The following TACC2 variants were observed in gnomAD, a reference collection of about 807,000 sequenced individuals.
The protein encoded by TACC2 is transforming acidic coiled-coil-containing protein 2.
A neutral mutation model predicts 227.3 loss-of-function variants in TACC2; 137 were observed. That is an observed-to-expected ratio of 0.60 (90% CI 0.52 to 0.69). The LOEUF (loss-of-function observed/expected upper bound fraction) is 0.69, where lower values mean the gene tolerates loss of function less well. TACC2 is among the 30% of genes least tolerant of loss of function. TACC2 has a pLI of 0.00. For synonymous variants in TACC2, 1,523 were observed against 1,487.5 expected (o/e 1.02, Z -0.55); for missense variants, 3,470 against 3,694.4 (o/e 0.94, Z 1.57).
intron 3 of TACC2, among the ~76,000 whole-genome samples, chr10:122,071,507 G>A (rs375550597): frequency 6.6e-6 from 1 of 152,114 alleles, no homozygotes. Flanking sequence ...TCAGTTGCCT[G>A]TCCCCATCCC....
intron 5 of TACC2, among the ~76,000 whole-genome samples, chr10:122,100,637 G>A (rs1043101502): frequency 9.9e-5 from 15 of 152,090 alleles, no homozygotes; most frequent in African/African-American, 3.4e-4. Context: ...TGTGGGCCAG[G>A]CTGGTTTCGA....
intron 7 of TACC2, among the ~76,000 whole-genome samples, chr10:122,174,466 G>A (rs2093617608): frequency 6.6e-6 from 1 of 152,172 alleles, no homozygotes; most frequent in Non-Finnish European, 1.5e-5. Context: ...CGGTGAAATG[G>A]AATTAACCTC....
intron 8 of TACC2, among the ~76,000 whole-genome samples, chr10:122,202,690 T>C (rs983810082): frequency 1.6e-5 from 2 of 124,370 alleles, no homozygotes; most frequent in African/African-American, 5.3e-5. Context: ...TTGATCATTC[T>C]TGGGTGTTTC....
intron 5 of TACC2, among the ~76,000 whole-genome samples, chr10:122,098,909 G>A (rs971732277): frequency 3.3e-5 from 5 of 152,170 alleles, no homozygotes; most frequent in Non-Finnish European, 5.9e-5. Context: ...TATAGGATGC[G>A]AAGTGGAGCC....
At chr10:122,220,338 C>G (rs180712477) in intron 11 of TACC2, among the ~76,000 whole-genome samples, 2 of 152,152 alleles carry the variant, frequency 1.3e-5, no homozygotes, top group Admixed American at 6.5e-5. Context: ...TGGAACAAAA[C>G]TTGGTTAAAC....
Position 122,229,412 on chromosome 10 carries a change from C to A in TACC2, c.7963C>A (p.Leu2655Ile). ...LLSRLAHPVS[L>I]CGALDYLEPD... is the part of the protein sequence containing the mutation. Reference sequence around the variant, plus strand: ...CAGCAGGCTAGCTCACCCCGTCTCTCTCTGTGGTGCACTTGACTATCTGGA... The same window carrying A: ...CAGCAGGCTAGCTCACCCCGTCTCTATCTGTGGTGCACTTGACTATCTGGA... Residue 2655 changes from leucine to isoleucine, a missense_variant, in exon 15 of 23, where the codon CTC becomes ATC. Leu to Ile is a conservative substitution (Grantham distance 5, BLOSUM62 2). Transcript: ENST00000369005. 1 of 1,614,102 alleles carries A rather than the reference C, an allele frequency of 6.2e-7. No individual in the cohort carries two copies. Among genetic ancestry groups the A allele is most frequent in the Non-Finnish European group, 8.5e-7 (1 of 1,180,036 alleles).
At chr10:122,081,364 A>AC (rs796457193) in intron 3 of TACC2, among the ~76,000 whole-genome samples, 137 of 762 alleles carry the variant, frequency 0.18, no homozygotes, top group Admixed American at 0.25. Flanking sequence ...CTAAAACTAC[A>AC]AAAAAAAAAA....
In TACC2 at chr10:122,254,158, G is replaced by C; in HGVS notation, c.*102G>C. On this transcript the variant is annotated 3_prime_UTR_variant, in exon 23 of 23. Coordinates refer to ENST00000369005, the MANE Select transcript of TACC2 (RefSeq NM_206862.4). ...GGACAGGTTCTGTTTTCACTTTTTC[G>C]TATGCACTACTGTATTTCCTTTCTA... The C allele has an allele frequency of 1.1e-6, 1 of 904,630 alleles. No individual in the cohort carries two copies. The highest frequency in any genetic ancestry group is 1.9e-6 in the Non-Finnish European group (1 of 534,424). 56.0% of individuals were successfully genotyped at this position (904,630 alleles called of 1,614,324 possible).
rs2095714442 is a variant in TACC2, at chr10:122,230,410, T to C, written c.8097T>C (p.Ala2699=). 6.2e-7 allele frequency: 1 copy of C among 1,614,096 alleles called. No homozygotes were observed. Among genetic ancestry groups the C allele is most frequent in the African/African-American group, 1.3e-5 (1 of 74,928 alleles). ...IEALKLARQI[A]LASRSHQDAK... ...CCCTGAAGCTGGCCAGGCAGATTGC[T>C]TTGGCTTCCCGCAGCCACCAGGATG... The change falls in exon 16 of 23, where the codon GCT becomes GCC. Residue 2699 remains alanine (A), a synonymous_variant. Coordinates refer to ENST00000369005, the MANE Select transcript of TACC2 (RefSeq NM_206862.4).
chr10:122,094,217 T>C (rs1325943400), intron 5 of TACC2, among the ~76,000 whole-genome samples: 2 of 152,190 alleles, frequency 1.3e-5, no homozygotes, highest in African/African-American at 4.8e-5. Flanking sequence ...GCATCTGTGT[T>C]TCATAAGTAA....
rs534882737 is a variant in TACC2 at position 122,110,822 on chromosome 10, C to A, written c.5574-21787C>A. ...CTAGTAATTTTGGCTTAAGACAACA[C>A]AAATTTATTTTACTAGGAGCTGTGT... On this transcript the variant is annotated intron_variant, in intron 5 of 22. Transcript: ENST00000369005. Among the ~76,000 whole-genome samples the A allele has an allele frequency of 2.0e-5, 3 of 152,256 alleles. No homozygotes were observed. In the East Asian group the frequency reaches 5.8e-4, roughly 29 times the overall value.
At chr10:122,208,047 T>G (rs1306933301) in intron 8 of TACC2, among the ~76,000 whole-genome samples, 2 of 152,148 alleles carry the variant, frequency 1.3e-5, no homozygotes, top group African/African-American at 4.8e-5. Context: ...TTGAGAGTAC[T>G]AGGGCCTAGA....
intron 7 of TACC2, among the ~76,000 whole-genome samples, chr10:122,149,055 G>C (rs961288856): frequency 3.3e-5 from 5 of 152,228 alleles, no homozygotes; most frequent in African/African-American, 1.2e-4. Context: ...AGAGCTGTAC[G>C]AGGCTGAAGC....
At chr10:122,160,855 ACT>A (rs1226971616) in intron 7 of TACC2, among the ~76,000 whole-genome samples, 1 of 151,836 alleles carries the variant, frequency 6.6e-6, no homozygotes, top group East Asian at 1.9e-4. Context: ...GGTCTGAGAG[ACT>A]CTTCCATAAA....
intron 7 of TACC2, among the ~76,000 whole-genome samples, chr10:122,168,210 T>C (rs1333511876): frequency 6.6e-6 from 1 of 152,162 alleles, no homozygotes; most frequent in Non-Finnish European, 1.5e-5. Flanking sequence ...CAGCCATAGA[T>C]CTTTTTCAAG....
At chr10:122,053,368 G>A (rs892973130) in intron 3 of TACC2, among the ~76,000 whole-genome samples, 25 of 151,890 alleles carry the variant, frequency 1.6e-4, no homozygotes, top group Non-Finnish European at 2.9e-4. Flanking sequence ...CAGCCCCCAT[G>A]ATTCAGTCAC....
At chr10:122,147,531 C>T (rs145529059) in intron 7 of TACC2, among the ~76,000 whole-genome samples, 65 of 152,256 alleles carry the variant, frequency 4.3e-4, no homozygotes, top group African/African-American at 1.3e-3. Flanking sequence ...AGTTGTGCTC[C>T]TCCTCTGTTA....
At chr10:122,136,031 T>A (rs1052642109) in intron 6 of TACC2, among the ~76,000 whole-genome samples, 18 of 152,300 alleles carry the variant, frequency 1.2e-4, no homozygotes, top group African/African-American at 4.3e-4. Flanking sequence ...TGGCTGTGAA[T>A]TCAATGAAGC....
At chr10:122,201,484 C>T (rs1239320440) in intron 8 of TACC2, among the ~76,000 whole-genome samples, 3 of 152,236 alleles carry the variant, frequency 2.0e-5, no homozygotes, top group Non-Finnish European at 2.9e-5. Flanking sequence ...AGGATGGCGA[C>T]GTCACCTGCC....
Sources: gnomAD v4.1 joint callset for allele counts (sites outside exome capture counted in the v4.1 genomes callset) on GRCh38, gnomAD v4.1.1 for gene constraint, MANE v1.5 for transcripts, NCBI Gene and HGNC (gene_info 2026-07-23, HGNC 2026-07-21) for gene names.